STON1: variants seen among roughly 807,000 people sequenced by gnomAD.
STON1 encodes stonin-1.
Under a neutral mutation model 60.9 loss-of-function variants are expected in STON1, and 79 were observed. The ratio of observed to expected loss-of-function variants is 1.30; its 90% CI spans 1.08 to 1.56. The LOEUF is 1.56. Ranked by LOEUF, STON1 falls within the 40% of genes most tolerant of loss-of-function variation. The probability of loss-of-function intolerance (pLI) is 0.00; values close to 1 mark genes in which losing one functional copy is unlikely to be tolerated. For missense variants in STON1, 1,166 were observed against 858.9 expected (o/e 1.36, Z -4.47); for synonymous variants, 363 against 306.9 (o/e 1.18, Z -1.91).
chr2:48,587,922 G>C (rs1674305333), intron 2 of STON1, among the ~76,000 whole-genome samples: 1 of 152,174 alleles, frequency 6.6e-6, no homozygotes, highest in South Asian at 2.1e-4. Context: ...GGACATTTCT[G>C]GGATTACAGG....
intron 1 of STON1, among the ~76,000 whole-genome samples, chr2:48,558,059 C>T (rs1006019642): frequency 6.6e-6 from 1 of 152,052 alleles, no homozygotes; most frequent in Admixed American, 6.5e-5. Context: ...CCCATCTCTA[C>T]CAAAAATACA....
At chr2:48,578,549 T>TCTCCTCCTC (rs1365433350) in intron 1 of STON1, among the ~76,000 whole-genome samples, 3 of 140,882 alleles carry the variant, frequency 2.1e-5, no homozygotes, top group Non-Finnish European at 3.1e-5. Flanking sequence ...TTCTCCTCCT[T>TCTCCTCCTC]CTCCTCCTTC....
chr2:48,581,532 A>C lies in STON1; in HGVS notation c.899A>C (p.Lys300Thr). 1 of 1,614,190 alleles carries C rather than the reference A, an allele frequency of 6.2e-7. No homozygotes were observed. The highest frequency in any genetic ancestry group is 1.1e-5 in the South Asian group (1 of 91,078). The change falls in exon 2 of 4, where the codon AAA becomes ACA. Residue 300 changes from lysine (K) to threonine (T), a missense_variant. Coordinates refer to ENST00000404752, the MANE Select transcript of STON1 (RefSeq NM_006873.4). ...CGGCAATGGGGACCAATTTTTCTGA[A>C]AGTTTTGCCTGGAGGAATTTTGCAG... ...SSRQWGPIFLKVLPGGILQMY... is the reference protein window; with the variant it reads ...SSRQWGPIFLTVLPGGILQMY...
Position 48,576,679 on chromosome 2 carries a change from A to C in STON1, c.-47-3908A>C, listed in dbSNP as rs548398781. 1.4e-4 allele frequency among the ~76,000 whole-genome samples: 21 copies of C among 152,184 alleles called. No homozygotes were observed. In the South Asian group the frequency reaches 4.1e-3, roughly 30 times the overall value. On this transcript the variant is annotated intron_variant, in intron 1 of 3. Coordinates refer to ENST00000404752, the MANE Select transcript of STON1 (RefSeq NM_006873.4). ...ACATGTTTATTCAAGTACTTTGCCA[A>C]TTACTAAATTGCATGATTTATTTTC...
At position 48,591,875 on chromosome 2, in the gene STON1, G is replaced by T; in HGVS notation, c.2133+20G>T. The T allele has an allele frequency of 6.2e-7, 1 of 1,611,720 alleles. No homozygotes were observed. The highest frequency in any genetic ancestry group is 2.2e-5 in the East Asian group (1 of 44,832). On this transcript the variant is annotated intron_variant, in intron 3 of 3. Coordinates refer to ENST00000404752, the MANE Select transcript of STON1 (RefSeq NM_006873.4). The stretch of plus-strand genomic sequence containing the variant: ...ATCCAGGTACATCCCAAAACTTCTA[G>T]AACTGTGACCTGATTTGGCTTTAAA...
At chr2:48,560,822 C>G (rs1225938357) in intron 1 of STON1, among the ~76,000 whole-genome samples, 1 of 152,158 alleles carries the variant, frequency 6.6e-6, no homozygotes, top group Non-Finnish European at 1.5e-5. Context: ...AGGCCACGTG[C>G]TCCCTTGCTT....
chr2:48,563,750 G>C (rs1164958766), intron 1 of STON1, among the ~76,000 whole-genome samples: 1 of 151,980 alleles, frequency 6.6e-6, no homozygotes, highest in Non-Finnish European at 1.5e-5. Context: ...CTGGAGTGCA[G>C]TGGTGTGATT....
intron 1 of STON1, among the ~76,000 whole-genome samples, chr2:48,578,577 CTT>C (rs1673673679): frequency 1.4e-5 from 1 of 73,860 alleles, no homozygotes; most frequent in Non-Finnish European, 2.8e-5. Flanking sequence ...CCTCCTCCTC[CTT>C]CCTTTTTTTT....
At chr2:48,551,349 C>T (rs1558584162) in intron 1 of STON1, among the ~76,000 whole-genome samples, 1 of 152,174 alleles carries the variant, frequency 6.6e-6, no homozygotes. Context: ...CCAATGCTTC[C>T]AGGGCTGGGG....
intron 1 of STON1, among the ~76,000 whole-genome samples, chr2:48,543,020 G>T (rs1671717714): frequency 6.8e-6 from 1 of 147,954 alleles, no homozygotes; most frequent in South Asian, 2.1e-4. Context: ...TATTGCCCAG[G>T]CTGGAGTGCA....
At chr2:48,570,901 C>A (rs1377034570) in intron 1 of STON1, among the ~76,000 whole-genome samples, 1 of 125,754 alleles carries the variant, frequency 8.0e-6, no homozygotes, top group African/African-American at 3.0e-5. Flanking sequence ...CTTGCACTAT[C>A]CCCCAGGCTG....
chr2:48,585,500 C>G (rs965387396), intron 2 of STON1, among the ~76,000 whole-genome samples: 1 of 152,110 alleles, frequency 6.6e-6, no homozygotes, highest in Non-Finnish European at 1.5e-5. Flanking sequence ...CCACCCGCCT[C>G]GGCCTCCCAA....
chr2:48,580,148 C>T (rs1673788375), intron 1 of STON1, among the ~76,000 whole-genome samples: 1 of 151,978 alleles, frequency 6.6e-6, no homozygotes. Context: ...CCTCAGGTGA[C>T]CTGCTTGCCT....
chr2:48,553,927 T>G (rs772550907), intron 1 of STON1, among the ~76,000 whole-genome samples: 4 of 152,016 alleles, frequency 2.6e-5, no homozygotes, highest in Admixed American at 6.6e-5. Flanking sequence ...AAATACTGGC[T>G]TCATGGTTCC....
rs750886690 is a variant in STON1 at position 48,581,767 on chromosome 2, G to C, written c.1134G>C (p.Leu378Phe). 3 of 1,613,546 alleles carry C rather than the reference G, an allele frequency of 1.9e-6. No individual in the cohort carries two copies. In the South Asian group the frequency reaches 3.3e-5, roughly 18 times the overall value. The part of the protein sequence containing the change: ...HEPDIEQMLK[L>F]GSTSYHDFLD... ...CTGACATAGAGCAGATGCTGAAGTT[G>C]GGGTCCACATCGTACCATGACTTCC... The change falls in exon 2 of 4, where the codon TTG (leucine) becomes TTC (phenylalanine). Residue 378 changes from leucine (L) to phenylalanine (F), a missense_variant. Leu to Phe is a conservative substitution (Grantham distance 22). Transcript: ENST00000404752.
At chr2:48,534,283 C>T (rs770100972) in intron 1 of STON1, among the ~76,000 whole-genome samples, 6 of 151,924 alleles carry the variant, frequency 3.9e-5, no homozygotes, top group Non-Finnish European at 7.4e-5. Context: ...GTATTTTATT[C>T]GAAAACTCTT....
At chr2:48,577,043 G>A (rs1673552457) in intron 1 of STON1, among the ~76,000 whole-genome samples, 1 of 141,966 alleles carries the variant, frequency 7.0e-6, no homozygotes, top group South Asian at 2.3e-4. Context: ...GACTGAGCGA[G>A]ATTCCATCTC....
Position 48,595,373 on chromosome 2 carries a change from C to A in STON1, c.*71C>A. 1 of 1,360,922 alleles carries A rather than the reference C, an allele frequency of 7.3e-7. No individual in the cohort carries two copies. Among genetic ancestry groups the A allele is most frequent in the Non-Finnish European group, 1.0e-6 (1 of 959,486 alleles). The allele number at this position is 1,360,922 out of a possible 1,614,324, so 84.3% of individuals were successfully genotyped here. On this transcript the variant is annotated 3_prime_UTR_variant, in exon 4 of 4. Coordinates refer to ENST00000404752, the MANE Select transcript of STON1 (RefSeq NM_006873.4). ...TTCACCGAAACCACACCAAGTCCTG[C>A]TACTGTAGAGTGGAAATGACTTCTG...
chr2:48,541,699 C>CAAA (rs71399061), intron 1 of STON1, among the ~76,000 whole-genome samples: 22 of 60,656 alleles, frequency 3.6e-4, no homozygotes, highest in East Asian at 1.2e-3. Context: ...AACTTCGTCT[C>CAAA]AAAAAAAAAA....
Sources: gnomAD v4.1 joint callset for allele counts (sites outside exome capture counted in the v4.1 genomes callset) on GRCh38, gnomAD v4.1.1 for gene constraint, MANE v1.5 for transcripts, NCBI Gene and HGNC (gene_info 2026-07-23, HGNC 2026-07-21) for gene names.